Variants in ATG4B observed in about 807,000 individuals in gnomAD.
ATG4B encodes the protein cysteine protease ATG4B.
ATG4B carries 29 observed loss-of-function variants against 56.6 expected under a neutral mutation model. The ratio of observed to expected loss-of-function variants is 0.51; its 90% CI spans 0.38 to 0.70. ATG4B has a LOEUF of 0.70. Among genes scored for constraint, ATG4B ranks in the 30% least tolerant of loss-of-function variants. ATG4B has a pLI of 0.00. For missense variants in ATG4B, 461 were observed against 515.5 expected, an observed-to-expected ratio of 0.89 and a Z score of 1.02; for synonymous variants, 224 against 206.1, an observed-to-expected ratio of 1.09 and a Z score of -0.74.
intron 12 of ATG4B, chr2:241,671,807 G>T: frequency 7.8e-7 from 1 of 1,274,708 alleles, no homozygotes; most frequent in African/African-American, 1.5e-5. Context: ...GCAGGAGCCG[G>T]CCTGGGCTCG....
Position 241,651,822 on chromosome 2 carries a change from T to A in ATG4B, c.184+487T>A. 8.8e-7 allele frequency: 1 copy of A among 1,137,210 alleles called. No individual in the cohort carries two copies. Among genetic ancestry groups the A allele is most frequent in the Non-Finnish European group, 1.2e-6 (1 of 837,748 alleles). The allele number at this position is 1,137,210 out of a possible 1,614,324, so 70.4% of individuals were successfully genotyped here. On this transcript the variant is annotated intron_variant, in intron 3 of 12. Coordinates refer to ENST00000404914, the MANE Select transcript of ATG4B (RefSeq NM_013325.5). This position sits in a 1 kb window ranked among gnomAD's most constrained non-coding sequence, Gnocchi z 4.1. ...TTTCCACACTTAACCTGTGGGGAGA[T>A]TTGAAGGGCCAGGTGAATGTGACAT...
At chr2:241,671,636 G>A in intron 12 of ATG4B, 5 of 1,461,124 alleles carry the variant, frequency 3.4e-6, no homozygotes, top group South Asian at 2.6e-5. Context: ...CTGCCTGCCC[G>A]GGCGCTGTGG....
At chr2:241,642,265 C>T (rs1036561819) in intron 1 of ATG4B, among the ~76,000 whole-genome samples, 1 of 151,248 alleles carries the variant, frequency 6.6e-6, no homozygotes, top group Non-Finnish European at 1.5e-5. Flanking sequence ...GCGCAATCTG[C>T]CCAGTGTGTG....
chr2:241,663,972 G>C (rs2068675469), intron 7 of ATG4B, among the ~76,000 whole-genome samples: 1 of 151,952 alleles, frequency 6.6e-6, no homozygotes, highest in Non-Finnish European at 1.5e-5. Flanking sequence ...ACCACGCCTG[G>C]CTAATTTTTT....
Position 241,673,221 on chromosome 2 carries a change from G to A in ATG4B, c.*957G>A, listed in dbSNP as rs1454178320. ...TGAGTCTTGTGGTGTGTGGTGGGCA[G>A]ACACCACAGGGTGGCATCACCTGGT... On this transcript the variant is annotated 3_prime_UTR_variant, in exon 13 of 13. Transcript: ENST00000404914. 1 of 297,976 alleles carries A rather than the reference G, an allele frequency of 3.4e-6. No individual in the cohort carries two copies. The highest frequency in any genetic ancestry group is 2.2e-5 in the African/African-American group (1 of 46,218). The allele number at this position is 297,976 out of a possible 1,614,324, so 18.5% of individuals were successfully genotyped here.
intron 3 of ATG4B, chr2:241,652,065 A>T (rs1397197265): frequency 1.1e-6 from 1 of 948,556 alleles, no homozygotes; most frequent in Non-Finnish European, 1.5e-6. Flanking sequence ...TCCTGAAGTG[A>T]GGTGGAAGTC....
intron 7 of ATG4B, chr2:241,659,542 G>A (rs528199504): frequency 2.7e-6 from 1 of 363,830 alleles, no homozygotes; most frequent in South Asian, 2.1e-5. Flanking sequence ...ACAGAGAGAT[G>A]TAGCAACCAT....
At chr2:241,670,852 G>A (rs1344135303) in intron 11 of ATG4B, 70 bp downstream of exon 11, 2 of 1,475,718 alleles carry the variant, frequency 1.4e-6, no homozygotes, top group African/African-American at 1.4e-5. Context: ...GCGTGCAGGG[G>A]TCGAAGGCCT....
At position 241,637,722 on chromosome 2, in the gene ATG4B, C is replaced by T. The variant is rs781529652; in HGVS notation, c.8C>T (p.Ala3Val). The T allele has an allele frequency of 3.2e-6, 5 of 1,580,856 alleles. No individual in the cohort carries two copies. The highest frequency in any genetic ancestry group is 2.5e-5 in the East Asian group (1 of 40,260). MD[A>V]ATLTYDTLRF... is the part of the protein sequence containing the mutation. ...GGCGGCCGGACTGGGAAGATGGACGCAGGTGAGGAGTTGCCGGGGGTCGGT... is the reference window on the plus strand; with the variant it reads ...GGCGGCCGGACTGGGAAGATGGACGTAGGTGAGGAGTTGCCGGGGGTCGGT... Residue 3 changes from alanine (A) to valine (V), a missense_variant and splice_region_variant, in exon 1 of 13, where the codon GCA becomes GTA. Ala to Val is a moderately conservative substitution (Grantham distance 64). Coordinates refer to ENST00000404914, the MANE Select transcript of ATG4B (RefSeq NM_013325.5).
In ATG4B at chr2:241,668,774, T is replaced by C; in HGVS notation, c.957+89T>C. On this transcript the variant is annotated intron_variant, in intron 10 of 12. Transcript: ENST00000404914. This position sits in a 1 kb window ranked among gnomAD's most constrained non-coding sequence, Gnocchi z 4.2. ...AAAACTTTCGGATTTTTGCGTTTTT[T>C]TTTTCAGCATGTTGGGATAAGTACT... 6.7e-7 allele frequency: 1 copy of C among 1,501,770 alleles called. No homozygotes were observed. Among genetic ancestry groups the C allele is most frequent in the Non-Finnish European group, 8.8e-7 (1 of 1,131,472 alleles). 93.0% of individuals were successfully genotyped at this position (1,501,770 alleles called of 1,614,324 possible).
intron 1 of ATG4B, among the ~76,000 whole-genome samples, chr2:241,641,617 C>A (rs1386323827): frequency 3.3e-5 from 5 of 151,178 alleles, no homozygotes; most frequent in Admixed American, 3.3e-4. Context: ...GGGAAGCTTT[C>A]TGTTGCGAGT....
chr2:241,648,777 CAG>C (rs1168653843), intron 1 of ATG4B, among the ~76,000 whole-genome samples: 2 of 152,184 alleles, frequency 1.3e-5, no homozygotes, highest in Admixed American at 6.5e-5. Flanking sequence ...ATCCTTTAAA[CAG>C]TGCCTGTAGG....
chr2:241,660,755 A>T (rs1221143633), intron 7 of ATG4B, among the ~76,000 whole-genome samples: 1 of 152,200 alleles, frequency 6.6e-6, no homozygotes, highest in Non-Finnish European at 1.5e-5. Flanking sequence ...CATTGTAATT[A>T]TTAACTGGCT....
intron 1 of ATG4B, among the ~76,000 whole-genome samples, chr2:241,647,139 T>C (rs2068084126): frequency 6.6e-6 from 1 of 152,168 alleles, no homozygotes; most frequent in African/African-American, 2.4e-5. Context: ...TTGGACATAA[T>C]CCCATCCTAA....
chr2:241,659,230 C>CG (rs1559262975), intron 7 of ATG4B, 43 bp downstream of exon 7: 4 of 1,550,554 alleles, frequency 2.6e-6, no homozygotes, highest in Non-Finnish European at 3.6e-6. Flanking sequence ...GTTGAAATCA[C>CG]GGGCAACATA....
intron 1 of ATG4B, among the ~76,000 whole-genome samples, chr2:241,640,794 C>T (rs939845535): frequency 1.4e-4 from 22 of 151,840 alleles, no homozygotes; most frequent in Admixed American, 9.2e-4. Context: ...CAGCGGGTGG[C>T]GGTGGGAGAA....
chr2:241,672,136 C>G (rs377679420), intron 12 of ATG4B, 55 bp from the exon 13 acceptor site: 844 of 1,549,700 alleles, frequency 5.4e-4, no homozygotes, highest in Admixed American at 8.1e-4. Context: ...GCCCTTGACT[C>G]ACACCCAGGT....
intron 6 of ATG4B, among the ~76,000 whole-genome samples, chr2:241,656,364 C>T (rs1436733606): frequency 4.6e-5 from 7 of 151,944 alleles, no homozygotes; most frequent in Non-Finnish European, 1.0e-4. Context: ...CCAGGGCCCG[C>T]CCTGTGTTTG....
rs1232484013 is a variant in ATG4B, at chr2:241,673,655, T to C, written c.*1391T>C. 4.4e-6 allele frequency: 2 copies of C among 456,494 alleles called. No individual in the cohort carries two copies. Among genetic ancestry groups the C allele is most frequent in the South Asian group, 3.1e-5 (2 of 64,546 alleles). 28.3% of individuals were successfully genotyped at this position (456,494 alleles called of 1,614,324 possible). On this transcript the variant is annotated 3_prime_UTR_variant, in exon 13 of 13. Transcript: ENST00000404914. The stretch of plus-strand genomic sequence containing the variant: ...GGGGAAGCAGGGAAGGCTGGTGCGA[T>C]CTCCATTCCTTGGGCTCCACGTCCG...
Sources: gnomAD v4.1 joint callset for allele counts (sites outside exome capture counted in the v4.1 genomes callset) on GRCh38, gnomAD v4.1.1 for gene constraint, Gnocchi (gnomAD v3.1) non-coding constraint, MANE v1.5 for transcripts, NCBI Gene and HGNC (gene_info 2026-07-23, HGNC 2026-07-21) for gene names.